AGBL4: variants seen among roughly 807,000 people sequenced by gnomAD.
AGBL4 encodes cytosolic carboxypeptidase 6.
In AGBL4, 58 loss-of-function variants were observed where a neutral mutation model predicts 66.4. That is an observed-to-expected ratio of 0.87 (90% CI 0.71 to 1.09). AGBL4 has a LOEUF of 1.09. Ranked by LOEUF, AGBL4 falls within the 50% of genes least tolerant of loss-of-function variation. The pLI is 0.00. For missense variants in AGBL4, 579 were observed against 631.0 expected, an observed-to-expected ratio of 0.92 and a Z score of 0.88; for synonymous variants, 234 against 222.9, an observed-to-expected ratio of 1.05 and a Z score of -0.44.
At chr1:49,658,710 G>T (rs1473392829) in intron 3 of AGBL4, among the ~76,000 whole-genome samples, 1 of 152,116 alleles carries the variant, frequency 6.6e-6, no homozygotes, top group African/African-American at 2.4e-5. Context: ...CCTTTGTAGG[G>T]ACATGGATGA....
chr1:48,789,746 G>A (rs889550638), intron 6 of AGBL4, among the ~76,000 whole-genome samples: 2 of 152,192 alleles, frequency 1.3e-5, no homozygotes, highest in Non-Finnish European at 1.5e-5. Context: ...CAAGTCATAG[G>A]AAGAACTTTA....
chr1:48,546,130 T>C (rs1374426661), intron 11 of AGBL4, among the ~76,000 whole-genome samples: 1 of 152,166 alleles, frequency 6.6e-6, no homozygotes. Context: ...ATGCATACAG[T>C]GTAGTTACTA....
intron 3 of AGBL4, among the ~76,000 whole-genome samples, chr1:49,553,332 T>C (rs1653121215): frequency 6.6e-6 from 1 of 152,214 alleles, no homozygotes; most frequent in Non-Finnish European, 1.5e-5. Flanking sequence ...TATGTCATAG[T>C]GAAACATCCT....
At chr1:49,760,554 C>A (rs1240419536) in intron 2 of AGBL4, among the ~76,000 whole-genome samples, 1 of 152,178 alleles carries the variant, frequency 6.6e-6, no homozygotes, top group Non-Finnish European at 1.5e-5. Context: ...GAAATAGGAA[C>A]ACTCTTACAT....
chr1:49,647,527 G>T (rs976384418), intron 3 of AGBL4, among the ~76,000 whole-genome samples: 5 of 152,082 alleles, frequency 3.3e-5, no homozygotes, highest in African/African-American at 1.2e-4. Flanking sequence ...TCATTATGGG[G>T]CACCCACAGT....
chr1:49,071,573 C>T (rs1184464309), intron 4 of AGBL4, among the ~76,000 whole-genome samples: 2 of 151,894 alleles, frequency 1.3e-5, no homozygotes, highest in Non-Finnish European at 2.9e-5. Flanking sequence ...TTTCTTAATC[C>T]TGAGTTCTAA....
At chr1:48,675,539 G>A (rs1646351210) in intron 6 of AGBL4, among the ~76,000 whole-genome samples, 2 of 152,214 alleles carry the variant, frequency 1.3e-5, no homozygotes, top group African/African-American at 4.8e-5. Flanking sequence ...CACCTGGCAT[G>A]CAATAGTCCT....
chr1:48,607,531 T>C (rs953449901), intron 9 of AGBL4, among the ~76,000 whole-genome samples: 24 of 152,106 alleles, frequency 1.6e-4, no homozygotes, highest in Admixed American at 1.6e-3. Context: ...GGCAGGAGAA[T>C]CGCTTGAATC....
chr1:48,983,796 G>C (rs1383161845), intron 5 of AGBL4, among the ~76,000 whole-genome samples: 1 of 152,098 alleles, frequency 6.6e-6, no homozygotes, highest in Non-Finnish European at 1.5e-5. Context: ...AATAATACCT[G>C]TATTTTTAGG....
At chr1:49,926,554 A>G (rs996506386) in intron 1 of AGBL4, among the ~76,000 whole-genome samples, 2 of 152,246 alleles carry the variant, frequency 1.3e-5, no homozygotes, top group South Asian at 2.1e-4. Flanking sequence ...AGTGAACTAC[A>G]TAAGGCACTA....
chr1:49,573,266 A>C (rs537434564), intron 3 of AGBL4, among the ~76,000 whole-genome samples: 5 of 151,844 alleles, frequency 3.3e-5, no homozygotes, highest in African/African-American at 1.2e-4. Flanking sequence ...AGAGGAACAG[A>C]ATATTAAGGA....
intron 6 of AGBL4, among the ~76,000 whole-genome samples, chr1:48,822,124 A>T (rs897614361): frequency 6.6e-6 from 1 of 152,188 alleles, no homozygotes; most frequent in African/African-American, 2.4e-5. Context: ...AAAATGATAC[A>T]AACACCTTGG....
chr1:49,989,380 T>A (rs1659755665), intron 1 of AGBL4, among the ~76,000 whole-genome samples: 1 of 152,000 alleles, frequency 6.6e-6, no homozygotes, highest in Non-Finnish European at 1.5e-5. Context: ...AGGGTCTAGA[T>A]AGGAACAAGG....
At chr1:48,927,592 G>A (rs1478769851) in intron 5 of AGBL4, among the ~76,000 whole-genome samples, 1 of 152,170 alleles carries the variant, frequency 6.6e-6, no homozygotes, top group Non-Finnish European at 1.5e-5. Flanking sequence ...GAAAGAATAT[G>A]GAAGACAGGC....
chr1:49,371,989 G>A (rs182459487), intron 3 of AGBL4, among the ~76,000 whole-genome samples: 4 of 151,976 alleles, frequency 2.6e-5, no homozygotes, highest in Non-Finnish European at 5.9e-5. Flanking sequence ...AAATATACTG[G>A]AGGATAATGA....
At chr1:48,621,235 A>G (rs190951823) in intron 9 of AGBL4, among the ~76,000 whole-genome samples, 2 of 152,304 alleles carry the variant, frequency 1.3e-5, no homozygotes, top group Admixed American at 1.3e-4. Flanking sequence ...AGTAGAGATA[A>G]GATAGATGGA....
At chr1:49,664,983 A>G (rs1288902171) in intron 3 of AGBL4, among the ~76,000 whole-genome samples, 1 of 152,150 alleles carries the variant, frequency 6.6e-6, no homozygotes. Flanking sequence ...AAACTTGTGT[A>G]ATGCAGAAGT....
chr1:48,705,610 A>C (rs1646870514), intron 6 of AGBL4, among the ~76,000 whole-genome samples: 2 of 152,264 alleles, frequency 1.3e-5, no homozygotes, highest in African/African-American at 4.8e-5. Flanking sequence ...CTTATAGTAG[A>C]AATGAGATTT....
intron 9 of AGBL4, among the ~76,000 whole-genome samples, chr1:48,613,377 G>A (rs940870396): frequency 1.3e-5 from 2 of 152,122 alleles, no homozygotes; most frequent in Non-Finnish European, 2.9e-5. Context: ...GGGGTCCAAC[G>A]AGGGCAAATG....
Sources: gnomAD v4.1 joint callset for allele counts (sites outside exome capture counted in the v4.1 genomes callset) on GRCh38, gnomAD v4.1.1 for gene constraint, MANE v1.5 for transcripts, NCBI Gene and HGNC (gene_info 2026-07-23, HGNC 2026-07-21) for gene names.